Variants in ADGRL3 observed in about 807,000 individuals in gnomAD.
ADGRL3 encodes the protein calcium-independent alpha-latrotoxin receptor 3.
Under a neutral mutation model 153.5 loss-of-function variants are expected in ADGRL3, and 62 were observed. That is an observed-to-expected ratio of 0.40 (90% CI 0.33 to 0.50). The LOEUF (loss-of-function observed/expected upper bound fraction) is 0.50, where lower values mean the gene tolerates loss of function less well. Among genes scored for constraint, ADGRL3 ranks in the 20% least tolerant of loss-of-function variants. The pLI is 0.47. For synonymous variants in ADGRL3, 710 were observed against 672.5 expected (o/e 1.06, Z -0.86); for missense variants, 1,641 against 1,859.4 (o/e 0.88, Z 2.16).
At chr4:61,643,419 G>C (rs1016381668) in intron 5 of ADGRL3, among the ~76,000 whole-genome samples, 4 of 151,800 alleles carry the variant, frequency 2.6e-5, no homozygotes, top group Admixed American at 1.3e-4. Context: ...GATATTGGCT[G>C]TGGGTTTTTC....
intron 21 of ADGRL3, among the ~76,000 whole-genome samples, chr4:62,005,967 TACACACACACACACACAC>T (rs59783179): frequency 4.4e-5 from 3 of 67,710 alleles, no homozygotes; most frequent in Admixed American, 2.4e-4. Flanking sequence ...TATATACACA[TACACACACACACACACAC>T]ACACACACAC....
intron 2 of ADGRL3, among the ~76,000 whole-genome samples, chr4:61,479,528 C>A (rs1035158203): frequency 2.0e-5 from 3 of 151,968 alleles, no homozygotes; most frequent in Non-Finnish European, 2.9e-5. Flanking sequence ...TGTATGAAAG[C>A]CTTTAAATTG....
intron 4 of ADGRL3, among the ~76,000 whole-genome samples, chr4:61,559,472 C>A (rs545956998): frequency 6.6e-6 from 1 of 152,022 alleles, no homozygotes; most frequent in South Asian, 2.1e-4. Flanking sequence ...AAAATAAAAG[C>A]TTGGACTGCA....
intron 8 of ADGRL3, among the ~76,000 whole-genome samples, chr4:61,743,324 C>CAAAAAAAAA (rs752363213): frequency 2.0e-5 from 1 of 50,850 alleles, no homozygotes; most frequent in Non-Finnish European, 4.7e-5. Flanking sequence ...GACTCCATCT[C>CAAAAAAAAA]AAAAAAAAAA....
At position 61,530,402 on chromosome 4, in the gene ADGRL3, A is replaced by T. The variant is rs1467503931; in HGVS notation, c.259+12884A>T. 3.3e-5 allele frequency among the ~76,000 whole-genome samples: 5 copies of T among 152,156 alleles called. No individual in the cohort carries two copies. The South Asian group carries it at 1.0e-3, about 32-fold the overall frequency. ...TGCTACCCTCCCTAAAAAAAAAAAAAATCTTCACAGAGTATATGGATATTT... is the reference window on the plus strand; with the variant it reads ...TGCTACCCTCCCTAAAAAAAAAAAATATCTTCACAGAGTATATGGATATTT... On this transcript the variant is annotated intron_variant, in intron 4 of 26. Coordinates refer to ENST00000683033, the MANE Select transcript of ADGRL3 (RefSeq NM_001387552.1).
At chr4:61,816,930 C>A (rs1213914629) in intron 9 of ADGRL3, among the ~76,000 whole-genome samples, 1 of 152,200 alleles carries the variant, frequency 6.6e-6, no homozygotes, top group African/African-American at 2.4e-5. Context: ...TGCTCCCTGA[C>A]CTCTCCCTGC....
intron 1 of ADGRL3, among the ~76,000 whole-genome samples, chr4:61,369,791 T>G (rs1055983393): frequency 1.2e-4 from 19 of 152,176 alleles, no homozygotes; most frequent in African/African-American, 4.6e-4. Flanking sequence ...TTGTAATAGT[T>G]TCAGAAGGAA....
intron 5 of ADGRL3, among the ~76,000 whole-genome samples, chr4:61,636,607 G>A (rs1183704204): frequency 6.6e-6 from 1 of 151,932 alleles, no homozygotes; most frequent in East Asian, 1.9e-4. Context: ...CTTTTAAAAT[G>A]TTTTTAGGCT....
At chr4:61,789,007 A>G (rs2097309256) in intron 8 of ADGRL3, among the ~76,000 whole-genome samples, 1 of 152,206 alleles carries the variant, frequency 6.6e-6, no homozygotes. Flanking sequence ...CACTTTTAAA[A>G]TTAGAGAATA....
intron 2 of ADGRL3, among the ~76,000 whole-genome samples, chr4:61,399,089 G>A (rs1181967648): frequency 6.6e-6 from 1 of 151,660 alleles, no homozygotes; most frequent in Non-Finnish European, 1.5e-5. Context: ...TCCTTTACTT[G>A]TAAGTAGAAA....
chr4:61,553,971 G>A (rs1483134065), intron 4 of ADGRL3, among the ~76,000 whole-genome samples: 3 of 152,068 alleles, frequency 2.0e-5, no homozygotes, highest in South Asian at 4.2e-4. Context: ...ATTAGTGTAG[G>A]GCAATGCTCC....
intron 17 of ADGRL3, among the ~76,000 whole-genome samples, chr4:61,957,960 T>G (rs2150433156): frequency 6.6e-6 from 1 of 152,312 alleles, no homozygotes; most frequent in Admixed American, 6.5e-5. Context: ...TCACAAATGT[T>G]ACTAATTTCT....
At chr4:61,955,480 C>T (rs879337154) in intron 17 of ADGRL3, among the ~76,000 whole-genome samples, 1 of 152,112 alleles carries the variant, frequency 6.6e-6, no homozygotes, top group Non-Finnish European at 1.5e-5. Context: ...AAGTACATGA[C>T]AGTTAAACAC....
At chr4:61,482,987 G>T (rs1403653877) in intron 2 of ADGRL3, among the ~76,000 whole-genome samples, 1 of 152,192 alleles carries the variant, frequency 6.6e-6, no homozygotes, top group African/African-American at 2.4e-5. Context: ...TAATTGGGAT[G>T]AGTTCATTGA....
intron 2 of ADGRL3, among the ~76,000 whole-genome samples, chr4:61,467,014 T>C (rs2097892761): frequency 6.6e-6 from 1 of 152,272 alleles, no homozygotes; most frequent in African/African-American, 2.4e-5. Context: ...AGTAACTATG[T>C]ATGAATTGAT....
chr4:61,976,610 A>C (rs533472691), intron 17 of ADGRL3, among the ~76,000 whole-genome samples: 1 of 152,300 alleles, frequency 6.6e-6, no homozygotes, highest in South Asian at 2.1e-4. Flanking sequence ...TTGATAATTG[A>C]ATAATGGGAG....
chr4:61,236,008 C>CTTT (rs55932029), intron 1 of ADGRL3, among the ~76,000 whole-genome samples: 16,726 of 95,886 alleles, frequency 0.17, 2,285 homozygotes, highest in East Asian at 0.28. Context: ...CTTTTCTTTT[C>CTTT]TTTTTTTTTT....
In ADGRL3 at chr4:61,706,283, G is replaced by T. The variant is rs181484189; in HGVS notation, c.584-24339G>T. Among the ~76,000 whole-genome samples the T allele has an allele frequency of 3.3e-5, 5 of 152,140 alleles. 1 individual carries two copies. Among genetic ancestry groups the T allele is most frequent in the South Asian group, 4.2e-4 (2 of 4,816 alleles). On this transcript the variant is annotated intron_variant, in intron 6 of 26. Transcript: ENST00000683033. ...AAAAACACAAAAAAACTAGCTGGGC[G>T]TGGTGGCACATGCCTGTAATCTTAG... is the stretch of plus-strand genomic sequence containing the variant.
chr4:61,667,882 C>G (rs1241381829), intron 5 of ADGRL3, among the ~76,000 whole-genome samples: 2 of 152,090 alleles, frequency 1.3e-5, no homozygotes, highest in African/African-American at 4.8e-5. Flanking sequence ...ACCACTTTAG[C>G]CATGCTCCTT....
Sources: gnomAD v4.1 joint callset for allele counts (sites outside exome capture counted in the v4.1 genomes callset) on GRCh38, gnomAD v4.1.1 for gene constraint, MANE v1.5 for transcripts, NCBI Gene and HGNC (gene_info 2026-07-23, HGNC 2026-07-21) for gene names.